TMPRSS15: variants seen among roughly 807,000 people sequenced by gnomAD.
TMPRSS15 encodes the protein enteropeptidase.
Under a neutral mutation model 125.3 loss-of-function variants are expected in TMPRSS15, and 128 were observed. The observed-to-expected ratio is 1.02, with a 90% CI of 0.89 to 1.18. TMPRSS15 has a LOEUF of 1.18. Among genes scored for constraint, TMPRSS15 ranks in the 50% most tolerant of loss-of-function variants. The pLI is 0.00. For synonymous variants in TMPRSS15, 446 were observed against 423.2 expected (o/e 1.05, Z -0.66); for missense variants, 1,283 against 1,212.7 (o/e 1.06, Z -0.86).
chr21:18,449,648 C>T (rs561306853), intron 1 of TMPRSS15, among the ~76,000 whole-genome samples: 21 of 152,006 alleles, frequency 1.4e-4, no homozygotes, highest in African/African-American at 4.8e-4. Context: ...AGACGAGACC[C>T]CAGTACAATT....
In TMPRSS15 at chr21:18,441,281, C is replaced by CAAACA. The variant is rs371605283; in HGVS notation, c.11-42957_11-42953dup. Among the ~76,000 whole-genome samples, 1,097 of 149,272 alleles carry CAAACA rather than the reference C, an allele frequency of 7.3e-3. 7 individuals carry two copies. Among genetic ancestry groups the CAAACA allele is most frequent in the Non-Finnish European group, 9.2e-3 (620 of 67,682 alleles). The stretch of plus-strand genomic sequence containing the variant: ...AGGCAACAAGAGTGAAACTCCGTCT[C>CAAACA]AAACAAAACAAAACAAAACAAAACA... On this transcript the variant is annotated intron_variant, in intron 1 of 7. Coordinates refer to the TMPRSS15 transcript ENST00000422787.
chr21:18,452,264 G>A (rs1300424167), intron 1 of TMPRSS15, among the ~76,000 whole-genome samples: 4 of 152,058 alleles, frequency 2.6e-5, no homozygotes, highest in African/African-American at 9.7e-5. Context: ...GTTAAAATTA[G>A]CACCACAAAG....
At chr21:18,454,167 C>T (rs1048700285) in intron 1 of TMPRSS15, among the ~76,000 whole-genome samples, 2 of 152,040 alleles carry the variant, frequency 1.3e-5, no homozygotes, top group African/African-American at 4.8e-5. Flanking sequence ...GATACTCATG[C>T]TTGTAATATA....
chr21:18,278,019 G>T (rs2074642413), intron 23 of TMPRSS15, among the ~76,000 whole-genome samples: 2 of 152,192 alleles, frequency 1.3e-5, no homozygotes, highest in Non-Finnish European at 2.9e-5. Flanking sequence ...TGCAGTTGAT[G>T]CTGGGGGTGA....
intron 1 of TMPRSS15, among the ~76,000 whole-genome samples, chr21:18,467,283 G>A (rs1172567109): frequency 6.6e-6 from 1 of 152,146 alleles, no homozygotes; most frequent in East Asian, 1.9e-4. Flanking sequence ...GGGAGGGATA[G>A]CATTAGGAGA....
rs749923449 is a variant in TMPRSS15, at chr21:18,403,566, G to T, written c.57C>A (p.Ile19=). The change falls in exon 1 of 25, where the codon ATC becomes ATA. Residue 19 remains isoleucine, a synonymous_variant. Coordinates refer to ENST00000284885, the MANE Select transcript of TMPRSS15 (RefSeq NM_002772.3). ...SRHHSLSSYE[I]MFAALFAILV... is the part of the protein sequence containing the mutation. ...ATATGGCAAAGAGAGCTGCAAACAT[G>T]ATTTCATAGGAGCTGAGAGAATGAT... 2 of 1,614,156 alleles carry T rather than the reference G, an allele frequency of 1.2e-6. No individual in the cohort carries two copies. The highest frequency in any genetic ancestry group is 1.6e-4 in the Middle Eastern group (1 of 6,062).
At chr21:18,440,784 A>G (rs2076239725) in intron 1 of TMPRSS15, among the ~76,000 whole-genome samples, 1 of 152,192 alleles carries the variant, frequency 6.6e-6, no homozygotes, top group South Asian at 2.1e-4. Flanking sequence ...TATAATTGAC[A>G]TTCATTGTAG....
At chr21:18,403,363 G>A (rs2076114469) in intron 1 of TMPRSS15, 115 bp downstream of exon 1, 7 of 1,386,744 alleles carry the variant, frequency 5.0e-6, no homozygotes, top group African/African-American at 1.4e-5. Context: ...TAGATTGAAA[G>A]CCCAAAATAA....
intron 1 of TMPRSS15, among the ~76,000 whole-genome samples, chr21:18,418,053 C>A (rs2076184197): frequency 6.6e-6 from 1 of 152,172 alleles, no homozygotes; most frequent in Non-Finnish European, 1.5e-5. Flanking sequence ...GGATCCTGGT[C>A]TCTTTCTTCA....
intron 24 of TMPRSS15, among the ~76,000 whole-genome samples, chr21:18,270,987 C>A (rs982582945): frequency 6.6e-6 from 1 of 152,066 alleles, no homozygotes; most frequent in African/African-American, 2.4e-5. Context: ...AATCCCAGCT[C>A]GATGCTAGAA....
intron 1 of TMPRSS15, among the ~76,000 whole-genome samples, chr21:18,399,852 T>A (rs2076078900): frequency 6.6e-6 from 1 of 152,108 alleles, no homozygotes. Flanking sequence ...GCAAAAAGGC[T>A]CCTGAAACTG....
intron 5 of TMPRSS15, among the ~76,000 whole-genome samples, chr21:18,378,425 A>G (rs2075863584): frequency 6.6e-6 from 1 of 152,090 alleles, no homozygotes; most frequent in African/African-American, 2.4e-5. Flanking sequence ...TAGAATTGTG[A>G]TGGCTTGTTT....
intron 13 of TMPRSS15, among the ~76,000 whole-genome samples, chr21:18,333,652 A>G (rs571371607): frequency 6.6e-6 from 1 of 152,192 alleles, no homozygotes; most frequent in African/African-American, 2.4e-5. Context: ...TGCTTAATAA[A>G]TGCTTAATCA....
At chr21:18,401,610 G>C (rs1476549493) in intron 1 of TMPRSS15, among the ~76,000 whole-genome samples, 1 of 152,112 alleles carries the variant, frequency 6.6e-6, no homozygotes, top group East Asian at 1.9e-4. Context: ...GGCAAGGGTT[G>C]ACAAACTAAC....
At chr21:18,445,669 A>C (rs1450111376) in intron 1 of TMPRSS15, among the ~76,000 whole-genome samples, 30 of 152,198 alleles carry the variant, frequency 2.0e-4, no homozygotes, top group Admixed American at 2.0e-3. Context: ...ACACAAATAA[A>C]ACAATTAGAT....
At chr21:18,353,168 C>A in intron 9 of TMPRSS15, 116 bp from the exon 10 acceptor site, 1 of 908,604 alleles carries the variant, frequency 1.1e-6, no homozygotes, top group Non-Finnish European at 1.7e-6. Flanking sequence ...GTGGTATGTA[C>A]AAAATCATTA....
chr21:18,359,797 TA>T lies in TMPRSS15; in HGVS notation c.839del (p.Leu280Ter). 6.7e-7 allele frequency: 1 copy of T among 1,497,028 alleles called. No homozygotes were observed. The highest frequency in any genetic ancestry group is 9.3e-7 in the Non-Finnish European group (1 of 1,076,140). 92.7% of individuals were successfully genotyped at this position (1,497,028 alleles called of 1,614,324 possible). A position where few individuals can be genotyped will look rare whatever the true frequency, so the allele number is the denominator to read the frequency against. ...DDFNTYYTDI[L>X]DIYEGVGSSK... ...TTGATCCTACACCTTCATAAATATC[TA>T]ATATATCTGTATAATATGTATTAAA... On this transcript the variant is annotated frameshift_variant, in exon 8 of 25. Coordinates refer to ENST00000284885, the MANE Select transcript of TMPRSS15 (RefSeq NM_002772.3). LOFTEE classifies it high-confidence loss of function.
chr21:18,458,470 C>T (rs1323919991), intron 1 of TMPRSS15, among the ~76,000 whole-genome samples: 1 of 152,078 alleles, frequency 6.6e-6, no homozygotes, highest in Non-Finnish European at 1.5e-5. Flanking sequence ...AGATGAAATT[C>T]AGCAATGGTT....
At chr21:18,305,258 G>A (rs917479431) in intron 18 of TMPRSS15, among the ~76,000 whole-genome samples, 43 of 133,652 alleles carry the variant, frequency 3.2e-4, no homozygotes, top group African/African-American at 1.1e-3. Context: ...GCGCGATCTC[G>A]GCTCACTGCA....
Sources: allele counts gnomAD v4.1 joint callset (sites outside exome capture counted in the v4.1 genomes callset), GRCh38; gene constraint gnomAD v4.1.1; transcripts MANE v1.5; gene names NCBI Gene and HGNC (gene_info 2026-07-23, HGNC 2026-07-21).